IPO7: variants seen among roughly 807,000 people sequenced by gnomAD.
IPO7 encodes importin-7.
IPO7 carries 13 observed loss-of-function variants against 136.4 expected under a neutral mutation model. The ratio of observed to expected loss-of-function variants is 0.10; its 90% confidence interval spans 0.06 to 0.15. The LOEUF (loss-of-function observed/expected upper bound fraction) is 0.15, where lower values mean the gene tolerates loss of function less well. Ranked by LOEUF, IPO7 falls within the 10% of genes least tolerant of loss-of-function variation. The probability of loss-of-function intolerance (pLI) is 1.00; values close to 1 mark genes in which losing one functional copy is unlikely to be tolerated. For missense variants in IPO7, 857 were observed against 1,240.6 expected, an observed-to-expected ratio of 0.69 and a Z score of 4.65; for synonymous variants, 403 against 404.4, an observed-to-expected ratio of 1.00 and a Z score of 0.04.
At chr11:9,438,053 T>TTG (rs1855406362) in intron 21 of IPO7, 27 bp from the exon 22 acceptor site, 6 of 471,200 alleles carry the variant, frequency 1.3e-5, no homozygotes, top group Admixed American at 9.1e-5. Flanking sequence ...CAGTTTTTTT[T>TTG]TTTTTTTTTT....
intron 13 of IPO7, 64 bp downstream of exon 13, chr11:9,428,693 T>G: frequency 1.1e-6 from 1 of 905,852 alleles, no homozygotes; most frequent in Non-Finnish European, 1.9e-6. Flanking sequence ...TGTGGACTTT[T>G]ATATTGAAAC....
At chr11:9,427,462 G>A (rs1453144063) in intron 12 of IPO7, among the ~76,000 whole-genome samples, 1 of 152,146 alleles carries the variant, frequency 6.6e-6, no homozygotes, top group Non-Finnish European at 1.5e-5. Context: ...GTTTCACCAT[G>A]TTGGCCTGGC....
chr11:9,426,980 G>A (rs1331491030), intron 12 of IPO7, among the ~76,000 whole-genome samples: 6 of 151,900 alleles, frequency 3.9e-5, no homozygotes, highest in Admixed American at 1.3e-4. Context: ...CCGGGTTCAA[G>A]TGATTCTCAT....
chr11:9,440,907 C>T (rs2133767207), intron 23 of IPO7, among the ~76,000 whole-genome samples: 1 of 152,300 alleles, frequency 6.6e-6, no homozygotes, highest in Non-Finnish European at 1.5e-5. Context: ...AAAAAGTATA[C>T]AGTGACAGTG....
chr11:9,390,057 A>G (rs1045701102), intron 1 of IPO7, among the ~76,000 whole-genome samples: 1 of 151,984 alleles, frequency 6.6e-6, no homozygotes. Flanking sequence ...CGCCTGGCCT[A>G]ATTTTATATT....
intron 1 of IPO7, among the ~76,000 whole-genome samples, chr11:9,397,231 C>G (rs1201112884): frequency 6.7e-6 from 1 of 148,592 alleles, no homozygotes; most frequent in Admixed American, 6.8e-5. Flanking sequence ...CTTCCACTTC[C>G]AGCTATTATA....
chr11:9,392,531 A>G (rs983255268), intron 1 of IPO7, among the ~76,000 whole-genome samples: 5 of 152,132 alleles, frequency 3.3e-5, no homozygotes, highest in African/African-American at 7.2e-5. Flanking sequence ...ACCTGGTTGT[A>G]TTTAATGTAA....
At chr11:9,422,704 T>C (rs12225755) in intron 8 of IPO7, among the ~76,000 whole-genome samples, 70,233 of 151,902 alleles carry the variant, frequency 0.46, 18,089 homozygotes, top group Non-Finnish European at 0.58. Context: ...TCCCAGCACT[T>C]TGGGAGGCTG....
At chr11:9,405,745 A>G (rs909998341) in intron 2 of IPO7, among the ~76,000 whole-genome samples, 16 of 152,310 alleles carry the variant, frequency 1.1e-4, no homozygotes, top group East Asian at 9.7e-4. Context: ...AAAGCAAACA[A>G]TTTTATGTAA....
rs1171782287 is a variant in IPO7 at position 9,404,251 on chromosome 11, A to G, written c.166+880A>G. Among the ~76,000 whole-genome samples, 5 of 152,066 alleles carry G rather than the reference A, an allele frequency of 3.3e-5. No individual in the cohort carries two copies. In the South Asian group the frequency reaches 6.2e-4, roughly 19 times the overall value. On this transcript the variant is annotated intron_variant, in intron 2 of 24. Coordinates refer to ENST00000379719, the MANE Select transcript of IPO7 (RefSeq NM_006391.3). ...GAGGCCAAGGCGGGGTTATCACAAG[A>G]TCAGGAAATCGAGACCATCCTGGCT...
intron 6 of IPO7, 83 bp downstream of exon 6, chr11:9,417,231 C>T (rs749926298): frequency 1.8e-5 from 11 of 596,642 alleles, no homozygotes; most frequent in Non-Finnish European, 2.6e-5. Context: ...TTTCCTGTAA[C>T]ATTCTTTATG....
At position 9,384,658 on chromosome 11, in the gene IPO7, G is replaced by T; in HGVS notation, c.-106G>T. ...GGCCTTGGCGCTTCTCTTTCCTTTC[G>T]CGCCGGTTGCCGCTGCGGAGCGCGG... is the stretch of plus-strand genomic sequence containing the variant. On this transcript the variant is annotated 5_prime_UTR_variant, in exon 1 of 25. Coordinates refer to ENST00000379719, the MANE Select transcript of IPO7 (RefSeq NM_006391.3). The T allele has an allele frequency of 1.1e-6, 1 of 936,120 alleles. No homozygotes were observed. The highest frequency in any genetic ancestry group is 1.6e-6 in the Non-Finnish European group (1 of 625,782). The allele number at this position is 936,120 out of a possible 1,614,324, so 58.0% of individuals were successfully genotyped here. A position where few individuals can be genotyped will look rare whatever the true frequency, so the allele number is the denominator to read the frequency against.
chr11:9,425,091 G>C, intron 11 of IPO7, 55 bp from the exon 12 acceptor site: 1 of 1,324,760 alleles, frequency 7.5e-7, no homozygotes, highest in Non-Finnish European at 1.1e-6. Flanking sequence ...TTGTTAGTAT[G>C]TTTTTTAAGG....
Position 9,446,362 on chromosome 11 carries a change from C to T in IPO7, c.*1168C>T, listed in dbSNP as rs978448307. 2 of 152,192 alleles carry T rather than the reference C, an allele frequency of 1.3e-5. No homozygotes were observed. Among genetic ancestry groups the T allele is most frequent in the Non-Finnish European group, 1.5e-5 (1 of 68,038 alleles). The allele number at this position is 152,192 out of a possible 1,614,324, so 9.4% of individuals were successfully genotyped here. A position where few individuals can be genotyped will look rare whatever the true frequency, so the allele number is the denominator to read the frequency against. Reference sequence around the variant, plus strand: ...TGATATTTAACACTTACCCACTCCCCTTTCCCCATCTCTTCTACCGCTCTT... The same window carrying T: ...TGATATTTAACACTTACCCACTCCCTTTTCCCCATCTCTTCTACCGCTCTT... On this transcript the variant is annotated 3_prime_UTR_variant, in exon 25 of 25. Coordinates refer to ENST00000379719, the MANE Select transcript of IPO7 (RefSeq NM_006391.3).
intron 2 of IPO7, among the ~76,000 whole-genome samples, chr11:9,404,366 G>T (rs1178211076): frequency 1.3e-5 from 2 of 151,654 alleles, no homozygotes; most frequent in Admixed American, 1.3e-4. Context: ...TCGGGAGGCT[G>T]AGGCAGGAGA....
At chr11:9,408,704 GTTTTTTTTTTTTTT>G (rs377057603) in intron 3 of IPO7, 65 bp downstream of exon 3, 12 of 173,314 alleles carry the variant, frequency 6.9e-5, no homozygotes, top group African/African-American at 3.8e-4. Context: ...TTGTTTTTTG[GTTTTTTTTTTTTTT>G]TTTTTTTTTT....
chr11:9,443,116 G>A (rs1483493944), intron 24 of IPO7, among the ~76,000 whole-genome samples: 1 of 151,062 alleles, frequency 6.6e-6, no homozygotes, highest in African/African-American at 2.4e-5. Context: ...GGGCAGGCAA[G>A]TCCTTGAACC....
Position 9,440,449 on chromosome 11 carries a change from T to G in IPO7, c.2696-6T>G. The G allele has an allele frequency of 6.2e-7, 1 of 1,609,460 alleles. No homozygotes were observed. The highest frequency in any genetic ancestry group is 8.5e-7 in the Non-Finnish European group (1 of 1,175,822). The stretch of plus-strand genomic sequence containing the variant: ...TTATAAAAGTACTTATATTATGACT[T>G]GGCAGAGGAACTGGGGAGTGATGAA... On this transcript the variant is annotated splice_polypyrimidine_tract_variant and splice_region_variant and intron_variant, in intron 22 of 24. Coordinates refer to ENST00000379719, the MANE Select transcript of IPO7 (RefSeq NM_006391.3).
At position 9,442,819 on chromosome 11, in the gene IPO7, T is replaced by C. The variant is rs568246287; in HGVS notation, c.3019+622T>C. On this transcript the variant is annotated intron_variant, in intron 24 of 24. Coordinates refer to ENST00000379719, the MANE Select transcript of IPO7 (RefSeq NM_006391.3). ...GGGTGGATTGCCTGAGCTCGGGAGT[T>C]TGAGACCAGCCTGGGCAACATGACC... is the stretch of plus-strand genomic sequence containing the variant. Among the ~76,000 whole-genome samples the C allele has an allele frequency of 3.3e-5, 5 of 152,100 alleles. No individual in the cohort carries two copies. The East Asian group carries it at 9.8e-4, about 30-fold the overall frequency.
Sources: gnomAD v4.1 joint callset for allele counts (sites outside exome capture counted in the v4.1 genomes callset) on GRCh38, gnomAD v4.1.1 for gene constraint, MANE v1.5 for transcripts, NCBI Gene and HGNC (gene_info 2026-07-23, HGNC 2026-07-21) for gene names.